MAN2B2: variants seen among roughly 807,000 people sequenced by gnomAD.
MAN2B2 encodes mannosidase alpha class 2B member 2, also known as epididymis-specific alpha-mannosidase.
Under a neutral mutation model 117.1 loss-of-function variants are expected in MAN2B2, and 106 were observed. The ratio of observed to expected loss-of-function variants is 0.90; its 90% confidence interval spans 0.77 to 1.06. MAN2B2 has a LOEUF of 1.06. MAN2B2 is among the 50% of genes least tolerant of loss of function. MAN2B2 has a pLI of 0.00. For missense variants in MAN2B2, 1,326 were observed against 1,381.4 expected, an observed-to-expected ratio of 0.96 and a Z score of 0.64; for synonymous variants, 544 against 595.1, an observed-to-expected ratio of 0.91 and a Z score of 1.25.
chr4:6,595,838 G>A (rs1480304052), intron 7 of MAN2B2, among the ~76,000 whole-genome samples: 1 of 152,226 alleles, frequency 6.6e-6, no homozygotes, highest in Non-Finnish European at 1.5e-5. Flanking sequence ...ACCTGGCTTA[G>A]TCCTGCCTCT....
intron 7 of MAN2B2, among the ~76,000 whole-genome samples, chr4:6,596,125 G>C (rs1727068331): frequency 6.7e-6 from 1 of 150,252 alleles, no homozygotes; most frequent in African/African-American, 2.5e-5. Flanking sequence ...AGGTGGGCGT[G>C]GTGTCCAGGT....
intron 15 of MAN2B2, among the ~76,000 whole-genome samples, chr4:6,612,969 T>C (rs1311111228): frequency 1.3e-5 from 2 of 152,226 alleles, no homozygotes; most frequent in Non-Finnish European, 1.5e-5. Flanking sequence ...CTGCAGACTT[T>C]CCTTCACCTC....
intron 3 of MAN2B2, among the ~76,000 whole-genome samples, chr4:6,579,388 TTCACCA>T (rs1399356159): frequency 2.2e-4 from 2 of 8,992 alleles, no homozygotes; most frequent in East Asian, 6.4e-3. Flanking sequence ...ACCACTACCC[TTCACCA>T]TCACCACCAC....
rs1560634438 is a variant in MAN2B2 at position 6,579,111 on chromosome 4, TCACCATCACCACTACCACCAC to T, written c.391+619_391+639del. ...ATCACCATCACCAGCACCACCACCA[TCACCATCACCACTACCACCAC>T]CACCACCATCACCACCACCATCACC... is the stretch of plus-strand genomic sequence containing the variant. On this transcript the variant is annotated intron_variant, in intron 3 of 18. Coordinates refer to ENST00000285599, the MANE Select transcript of MAN2B2 (RefSeq NM_015274.3). Among the ~76,000 whole-genome samples, 16 of 25,234 alleles carry T rather than the reference TCACCATCACCACTACCACCAC, an allele frequency of 6.3e-4. No individual in the cohort carries two copies. The East Asian group carries it at 8.7e-3, about 14-fold the overall frequency. The allele number at this position is 25,234 out of a possible 152,430, so 16.6% of individuals were successfully genotyped here. A position where few individuals can be genotyped will look rare whatever the true frequency, so the allele number is the denominator to read the frequency against.
intron 7 of MAN2B2, 44 bp from the exon 8 acceptor site, chr4:6,597,069 T>C: frequency 1.9e-6 from 3 of 1,575,242 alleles, no homozygotes; most frequent in Non-Finnish European, 2.6e-6. Context: ...AGCAGACTTC[T>C]GGGTCATGCC....
chr4:6,593,600 C>T (rs548448398), intron 6 of MAN2B2, among the ~76,000 whole-genome samples: 5 of 152,356 alleles, frequency 3.3e-5, no homozygotes, highest in East Asian at 1.9e-4. Context: ...CTGCCTGGGC[C>T]GGGCTGGCTC....
chr4:6,611,182 C>A lies in MAN2B2; in HGVS notation c.2467C>A (p.Leu823Ile), dbSNP rs572445186. ...CTCAGTCGTCCACCCAGTGCTCTGG[C>A]TTCTGCTGGGATCCTGGTCCCTCAC... is the stretch of plus-strand genomic sequence containing the variant. ...DTSVVHPVLW[L>I]LLGSWSLTTA... Residue 823 changes from leucine to isoleucine, a missense_variant, in exon 15 of 19, where the codon CTT becomes ATT. Leu to Ile is a conservative substitution (Grantham distance 5). Coordinates refer to ENST00000285599, the MANE Select transcript of MAN2B2 (RefSeq NM_015274.3). 1 of 1,613,998 alleles carries A rather than the reference C, an allele frequency of 6.2e-7. No individual in the cohort carries two copies. Among genetic ancestry groups the A allele is most frequent in the Admixed American group, 1.7e-5 (1 of 60,024 alleles).
intron 16 of MAN2B2, among the ~76,000 whole-genome samples, chr4:6,616,344 CAGG>C (rs1381517475): frequency 1.3e-5 from 2 of 152,070 alleles, no homozygotes; most frequent in African/African-American, 4.8e-5. Context: ...AGGGATGGGA[CAGG>C]AGATCACATA....
At chr4:6,617,235 G>C (rs144556712) in intron 16 of MAN2B2, 145 bp from the exon 17 acceptor site, 17 of 617,478 alleles carry the variant, frequency 2.8e-5, no homozygotes, top group African/African-American at 5.5e-5. Flanking sequence ...TTCACGATGA[G>C]ATTTGGTTGG....
intron 3 of MAN2B2, among the ~76,000 whole-genome samples, chr4:6,579,171 CCACCA>C (rs1726252467): frequency 3.4e-5 from 3 of 87,028 alleles, no homozygotes; most frequent in Admixed American, 1.2e-4. Flanking sequence ...ACCACCACCA[CCACCA>C]CCATCACCAT....
intron 9 of MAN2B2, among the ~76,000 whole-genome samples, chr4:6,599,014 G>A (rs913290051): frequency 1.3e-5 from 2 of 152,242 alleles, no homozygotes; most frequent in East Asian, 1.9e-4. Context: ...ACAGGTTGGC[G>A]GCCCTCCGCC....
intron 3 of MAN2B2, among the ~76,000 whole-genome samples, chr4:6,582,298 G>C (rs1224382370): frequency 6.6e-6 from 1 of 152,060 alleles, no homozygotes; most frequent in Non-Finnish European, 1.5e-5. Flanking sequence ...TTGTCTCTCT[G>C]ACTCCTTCCA....
At chr4:6,609,069 A>G in intron 11 of MAN2B2, 38 bp from the exon 12 acceptor site, 1 of 1,581,194 alleles carries the variant, frequency 6.3e-7, no homozygotes, top group Non-Finnish European at 8.6e-7. Flanking sequence ...GACCTTGTGC[A>G]GGATGAGAAT....
intron 3 of MAN2B2, among the ~76,000 whole-genome samples, chr4:6,579,578 TCAC>T (rs1424091060): frequency 1.4e-5 from 2 of 140,782 alleles, no homozygotes; most frequent in Non-Finnish European, 3.1e-5. Flanking sequence ...ACCACTACCA[TCAC>T]CACCATCACC....
chr4:6,610,165 C>A, intron 13 of MAN2B2, 115 bp downstream of exon 13: 1 of 1,444,742 alleles, frequency 6.9e-7, no homozygotes. Context: ...ATGTTTTTTT[C>A]CTTTTTTTTA....
chr4:6,596,308 C>G (rs1343423448), intron 7 of MAN2B2, among the ~76,000 whole-genome samples: 1 of 152,126 alleles, frequency 6.6e-6, no homozygotes, highest in Non-Finnish European at 1.5e-5. Flanking sequence ...GGCTGCAAAG[C>G]TGTGGAGGAC....
chr4:6,619,264 A>G (rs6816272), intron 17 of MAN2B2: 147,150 of 152,450 alleles, frequency 0.97, 71,213 homozygotes, highest in East Asian at 1. Context: ...GATCACTGTC[A>G]TCTTCCCGCC....
intron 3 of MAN2B2, among the ~76,000 whole-genome samples, chr4:6,579,147 C>T (rs941112567): frequency 2.1e-4 from 12 of 56,718 alleles, no homozygotes; most frequent in Admixed American, 5.0e-4. Flanking sequence ...ACCATCACCA[C>T]CACCATCACC....
intron 17 of MAN2B2, 200 bp downstream of exon 17, chr4:6,617,692 T>G: frequency 1.0e-6 from 1 of 979,710 alleles, no homozygotes; most frequent in Non-Finnish European, 1.4e-6. Flanking sequence ...GTTTTTTGTG[T>G]ATATGTGAGA....
Sources: allele counts gnomAD v4.1 joint callset (sites outside exome capture counted in the v4.1 genomes callset), GRCh38; gene constraint gnomAD v4.1.1; transcripts MANE v1.5; gene names NCBI Gene and HGNC (gene_info 2026-07-23, HGNC 2026-07-21).